The following RAI14 variants were observed in gnomAD, a reference collection of about 807,000 sequenced individuals.
RAI14 encodes retinoic acid induced 14.
Under a neutral mutation model 115.4 loss-of-function variants are expected in RAI14, and 45 were observed. The observed-to-expected ratio is 0.39, with a 90% CI of 0.31 to 0.50. The LOEUF (loss-of-function observed/expected upper bound fraction) is 0.50, where lower values mean the gene tolerates loss of function less well. RAI14 is among the 20% of genes least tolerant of loss of function. RAI14 has a pLI of 0.85. For missense variants in RAI14, 939 were observed against 1,131.2 expected, an observed-to-expected ratio of 0.83 and a Z score of 2.44; for synonymous variants, 371 against 415.4, an observed-to-expected ratio of 0.89 and a Z score of 1.30.
At chr5:34,754,799 A>G (rs1173315100) in intron 2 of RAI14, among the ~76,000 whole-genome samples, 4 of 152,128 alleles carry the variant, frequency 2.6e-5, no homozygotes, top group Non-Finnish European at 5.9e-5. Context: ...TCTTATAGAA[A>G]CTGAACTCCC....
chr5:34,808,892 G>A (rs557940712), intron 7 of RAI14, among the ~76,000 whole-genome samples: 1 of 152,258 alleles, frequency 6.6e-6, no homozygotes, highest in South Asian at 2.1e-4. Flanking sequence ...CACGTGCTCA[G>A]TTCACAATAG....
intron 3 of RAI14, among the ~76,000 whole-genome samples, chr5:34,769,256 G>A (rs945472063): frequency 2.0e-5 from 3 of 152,118 alleles, no homozygotes; most frequent in Admixed American, 6.5e-5. Context: ...TAGAAGCAGT[G>A]ATCAGCTATT....
chr5:34,807,606 G>C (rs1003021852), intron 5 of RAI14, among the ~76,000 whole-genome samples, 194 bp from the exon 6 acceptor site: 3 of 152,078 alleles, frequency 2.0e-5, no homozygotes, highest in East Asian at 3.9e-4. Flanking sequence ...AAAGAGGGGA[G>C]AGTTTGCCCA....
chr5:34,712,008 G>T lies in RAI14; in HGVS notation c.36+25053G>T, dbSNP rs866343297. ...CCGTCTTGAACCTTGGGGTGATCTT[G>T]TTAAGTCAGTGGAACCTATAGATTG... On this transcript the variant is annotated intron_variant, in intron 2 of 17. Coordinates refer to ENST00000265109, the MANE Select transcript of RAI14 (RefSeq NM_015577.3). 5.9e-5 allele frequency among the ~76,000 whole-genome samples: 9 copies of T among 152,154 alleles called. No homozygotes were observed. In the Middle Eastern group the frequency reaches 0.01, roughly 173 times the overall value.
rs1341637602 is a variant in RAI14, at chr5:34,808,599, T to C, written c.395T>C (p.Leu132Pro). ...CTTCCCCCAGCGGCTCAGGGCTGCC[T>C]TCAAGCTGTGCAGATTCTCTGCGAA... ...ALHYAAAQGC[L>P]QAVQILCEHK... Residue 132 changes from leucine (L) to proline (P), a missense_variant, in exon 7 of 18, where the codon CTT becomes CCT. Transcript: ENST00000265109. 6.8e-6 allele frequency: 11 copies of C among 1,614,096 alleles called. No individual in the cohort carries two copies. The highest frequency in any genetic ancestry group is 2.7e-5 in the African/African-American group (2 of 74,944).
At chr5:34,714,081 C>T (rs973657765) in intron 2 of RAI14, among the ~76,000 whole-genome samples, 8 of 152,330 alleles carry the variant, frequency 5.3e-5, no homozygotes, top group East Asian at 1.9e-4. Context: ...GGATTTCAGG[C>T]GTGAGCCACC....
At chr5:34,726,184 A>T (rs1743441705) in intron 2 of RAI14, among the ~76,000 whole-genome samples, 1 of 152,144 alleles carries the variant, frequency 6.6e-6, no homozygotes, top group Non-Finnish European at 1.5e-5. Context: ...GTTTGAGACC[A>T]GCCCAGGCAA....
intron 2 of RAI14, among the ~76,000 whole-genome samples, chr5:34,691,569 C>T (rs1738605261): frequency 6.6e-6 from 1 of 152,096 alleles, no homozygotes; most frequent in South Asian, 2.1e-4. Flanking sequence ...TCTGGAATTT[C>T]TTTGTAGATG....
intron 2 of RAI14, among the ~76,000 whole-genome samples, chr5:34,721,861 C>T (rs1481038281): frequency 6.6e-6 from 1 of 152,064 alleles, no homozygotes; most frequent in African/African-American, 2.4e-5. Context: ...CAGGTGCGTG[C>T]CACCACGCCC....
intron 2 of RAI14, among the ~76,000 whole-genome samples, chr5:34,750,847 C>CTTTTTTTTTTT (rs1561309335): frequency 1.9e-4 from 12 of 62,422 alleles, no homozygotes; most frequent in African/African-American, 9.1e-4. Context: ...TTTGCTTTAT[C>CTTTTTTTTTTT]ATTTTTTTTT....
chr5:34,678,774 C>T (rs1561230238), intron 1 of RAI14, among the ~76,000 whole-genome samples: 1 of 152,158 alleles, frequency 6.6e-6, no homozygotes, highest in Non-Finnish European at 1.5e-5. Flanking sequence ...CACTGCAGAC[C>T]CCTCTTCTGC....
At chr5:34,815,364 G>A (rs998275725) in intron 12 of RAI14, among the ~76,000 whole-genome samples, 1 of 151,340 alleles carries the variant, frequency 6.6e-6, no homozygotes, top group Non-Finnish European at 1.5e-5. Context: ...TTGGCAACAG[G>A]GCGAGACTCC....
At chr5:34,743,332 G>C (rs1364278587) in intron 2 of RAI14, among the ~76,000 whole-genome samples, 1 of 152,048 alleles carries the variant, frequency 6.6e-6, no homozygotes, top group Non-Finnish European at 1.5e-5. Flanking sequence ...TGGTTCCTTG[G>C]CTTGTAGGCA....
intron 12 of RAI14, among the ~76,000 whole-genome samples, chr5:34,816,411 A>T (rs1756228861): frequency 6.6e-6 from 1 of 152,082 alleles, no homozygotes; most frequent in Non-Finnish European, 1.5e-5. Context: ...TGTATAGTTA[A>T]TTTTTTTCCT....
At chr5:34,799,599 T>C (rs2150221355) in intron 4 of RAI14, among the ~76,000 whole-genome samples, 1 of 152,096 alleles carries the variant, frequency 6.6e-6, no homozygotes, top group Admixed American at 6.5e-5. Flanking sequence ...CCATGATTAA[T>C]GTCTTCAGGA....
At chr5:34,737,060 T>C (rs1222987527) in intron 2 of RAI14, among the ~76,000 whole-genome samples, 1 of 152,148 alleles carries the variant, frequency 6.6e-6, no homozygotes, top group Non-Finnish European at 1.5e-5. Context: ...GGGATCTAGG[T>C]TGAGTACTCC....
intron 3 of RAI14, among the ~76,000 whole-genome samples, chr5:34,781,629 A>C (rs1751658048): frequency 6.6e-6 from 1 of 152,258 alleles, no homozygotes; most frequent in South Asian, 2.1e-4. Context: ...TGGAGCTCTC[A>C]TGAATTGCTG....
intron 2 of RAI14, among the ~76,000 whole-genome samples, chr5:34,725,494 C>A (rs377496924): frequency 6.6e-6 from 1 of 151,814 alleles, no homozygotes; most frequent in East Asian, 1.9e-4. Flanking sequence ...ACTCTCCCAC[C>A]CCCTTCCCTC....
intron 2 of RAI14, among the ~76,000 whole-genome samples, chr5:34,740,427 ACT>A (rs1745364393): frequency 6.6e-6 from 1 of 152,132 alleles, no homozygotes; most frequent in Non-Finnish European, 1.5e-5. Context: ...AAATCACAAA[ACT>A]CTAAGCCAAG....
Sources: allele counts gnomAD v4.1 joint callset (sites outside exome capture counted in the v4.1 genomes callset), GRCh38; gene constraint gnomAD v4.1.1; transcripts MANE v1.5; gene names NCBI Gene and HGNC (gene_info 2026-07-23, HGNC 2026-07-21).